Variants in SIGLEC10 observed in about 807,000 individuals in gnomAD.
The protein encoded by SIGLEC10 is sialic acid-binding Ig-like lectin 10.
In SIGLEC10, 45 loss-of-function variants were observed where a neutral mutation model predicts 68.3. The observed-to-expected ratio is 0.66, with a 90% CI of 0.52 to 0.84. SIGLEC10 has a LOEUF of 0.84. Among genes scored for constraint, SIGLEC10 ranks in the 40% least tolerant of loss-of-function variants. The probability of loss-of-function intolerance (pLI) is 0.00; values close to 1 mark genes in which losing one functional copy is unlikely to be tolerated. For missense variants in SIGLEC10, 789 were observed against 883.1 expected, an observed-to-expected ratio of 0.89 and a Z score of 1.35; for synonymous variants, 379 against 370.8, an observed-to-expected ratio of 1.02 and a Z score of -0.26.
At position 51,410,784 on chromosome 19, in the gene SIGLEC10, G is replaced by A. The variant is rs563870522; in HGVS notation, c.*315C>T. ...CTGCCTCAGCTTCCCAAGTAGGTAGGATTACAGGCGCCTGCCACCATGCCC... is the reference window on the plus strand; with the variant it reads ...CTGCCTCAGCTTCCCAAGTAGGTAGAATTACAGGCGCCTGCCACCATGCCC... On this transcript the variant is annotated 3_prime_UTR_variant, in exon 11 of 11. Transcript: ENST00000339313. 1 of 225,664 alleles carries A rather than the reference G, an allele frequency of 4.4e-6. No homozygotes were observed. Among genetic ancestry groups the A allele is most frequent in the South Asian group, 8.2e-5 (1 of 12,154 alleles). 14.0% of individuals were successfully genotyped at this position (225,664 alleles called of 1,614,324 possible).
At position 51,416,145 on chromosome 19, in the gene SIGLEC10, T is replaced by G; in HGVS notation, c.777A>C (p.Gly259=). ...TTTGGGCTTCCAGGTATGGGACATT[T>G]CCCTGGGGCTGGGGCTCCAGGGCTG... ...NTPALEPQPQ[G]NVPYLEAQKG... The change falls in exon 5 of 11, where the codon GGA becomes GGC. Residue 259 remains glycine (G), a synonymous_variant. Transcript: ENST00000339313. 6.2e-7 allele frequency: 1 copy of G among 1,608,534 alleles called. No individual in the cohort carries two copies. Among genetic ancestry groups the G allele is most frequent in the Non-Finnish European group, 8.5e-7 (1 of 1,177,698 alleles).
chr19:51,412,285 G>T (rs1460939812), intron 10 of SIGLEC10, among the ~76,000 whole-genome samples: 1 of 152,110 alleles, frequency 6.6e-6, no homozygotes, highest in African/African-American at 2.4e-5. Context: ...GGGTGTTGAT[G>T]CATGGCTTGT....
Position 51,414,682 on chromosome 19 carries a change from T to A in SIGLEC10, c.1615+142A>T, listed in dbSNP as rs1173062840. The A allele has an allele frequency of 9.1e-6, 13 of 1,434,248 alleles. No homozygotes were observed. The highest frequency in any genetic ancestry group is 1.3e-5 in the Non-Finnish European group (13 of 1,030,082). 88.8% of individuals were successfully genotyped at this position (1,434,248 alleles called of 1,614,324 possible). On this transcript the variant is annotated intron_variant, in intron 8 of 10. Transcript: ENST00000339313. The surrounding 1 kb of genome is among the most constrained non-coding windows in gnomAD (Gnocchi z 4.1). Reference sequence around the variant, plus strand: ...CACACCCCGGCCCAGGTGTTAGGACTTCCCATTGTGTTTTCCTGTCTACAT... The same window carrying A: ...CACACCCCGGCCCAGGTGTTAGGACATCCCATTGTGTTTTCCTGTCTACAT...
rs527722008 is a variant in SIGLEC10 at position 51,411,027 on chromosome 19, C to G, written c.*72G>C. 195 of 1,509,172 alleles carry G rather than the reference C, an allele frequency of 1.3e-4. No individual in the cohort carries two copies. In the African/African-American group the frequency reaches 1.5e-3, roughly 11 times the overall value. 93.5% of individuals were successfully genotyped at this position (1,509,172 alleles called of 1,614,324 possible). ...GAGAGGGAGAGAAGGAAACTTTGCA[C>G]TCTGTTATCTTCAACCTCTTACTCT... On this transcript the variant is annotated 3_prime_UTR_variant, in exon 11 of 11. Transcript: ENST00000339313.
chr19:51,411,249 T>A lies in SIGLEC10; in HGVS notation c.1944A>T (p.Glu648Asp). 1 of 1,614,008 alleles carries A rather than the reference T, an allele frequency of 6.2e-7. No individual in the cohort carries two copies. Among genetic ancestry groups the A allele is most frequent in the South Asian group, 1.1e-5 (1 of 91,074 alleles). The part of the protein sequence containing the change: ...KKQYQLPSFP[E>D]PKSSTQAPES... ...CTGGGGCTTGAGTGGATGATTTGGG[T>A]TCTGGGAAACTGGGCAACTGATACT... Residue 648 changes from glutamate to aspartate, a missense_variant, in exon 11 of 11, where the codon GAA (glutamate) becomes GAT (aspartate). Coordinates refer to ENST00000339313, the MANE Select transcript of SIGLEC10 (RefSeq NM_033130.5).
chr19:51,415,411 G>A lies in SIGLEC10; in HGVS notation c.1100C>T (p.Ser367Phe). The A allele has an allele frequency of 6.2e-7, 1 of 1,606,052 alleles. No homozygotes were observed. ...GCTTTGGCCCTCCAGTACTGGGAGA[G>A]ACGTGCCGTTCCCAAGGTTTTCCAG... ...TVLENLGNGTSLPVLEGQSLC... is the reference protein window; with the variant it reads ...TVLENLGNGTFLPVLEGQSLC... Residue 367 changes from serine to phenylalanine, a missense_variant, in exon 7 of 11, where the codon TCT (serine) becomes TTT (phenylalanine). Transcript: ENST00000339313.
intron 3 of SIGLEC10, 73 bp downstream of exon 3, chr19:51,416,593 G>T: frequency 6.2e-7 from 1 of 1,603,522 alleles, no homozygotes; most frequent in Non-Finnish European, 8.5e-7. Flanking sequence ...GCCGCTCACT[G>T]TCCCACTGGG....
Position 51,414,798 on chromosome 19 carries a change from C to A in SIGLEC10, c.1615+26G>T, listed in dbSNP as rs1988410739. 6.2e-7 allele frequency: 1 copy of A among 1,610,544 alleles called. No homozygotes were observed. The highest frequency in any genetic ancestry group is 1.1e-5 in the South Asian group (1 of 90,834). ...CCCCAGTCAGCTTCTCCTCCAAGAA[C>A]CTTGGCATCCAGGCGGCCCCCTAAC... On this transcript the variant is annotated intron_variant, in intron 8 of 10. Coordinates refer to ENST00000339313, the MANE Select transcript of SIGLEC10 (RefSeq NM_033130.5). This position sits in a 1 kb window ranked among gnomAD's most constrained non-coding sequence, Gnocchi z 4.1.
rs1255140411 is a variant in SIGLEC10, at chr19:51,414,058, G to A, written c.1710-235C>T. On this transcript the variant is annotated intron_variant, in intron 9 of 10. Coordinates refer to ENST00000339313, the MANE Select transcript of SIGLEC10 (RefSeq NM_033130.5). The surrounding 1 kb of genome is among the most constrained non-coding windows in gnomAD (Gnocchi z 4.1). Reference sequence around the variant, plus strand: ...GGGTTCCCTGCTACTAGTGAGCCAGGGCAGCTGTCTGAGCCTCTACAGCCC... The same window carrying A: ...GGGTTCCCTGCTACTAGTGAGCCAGAGCAGCTGTCTGAGCCTCTACAGCCC... 6.6e-6 allele frequency among the ~76,000 whole-genome samples: 1 copy of A among 152,196 alleles called. No individual in the cohort carries two copies. The highest frequency in any genetic ancestry group is 6.5e-5 in the Admixed American group (1 of 15,286).
rs1472402223 is a variant in SIGLEC10, at chr19:51,410,964, A to AAGAGAGAGAAAGAGAGAG, written c.*117_*134dup. On this transcript the variant is annotated 3_prime_UTR_variant, in exon 11 of 11. Coordinates refer to ENST00000339313, the MANE Select transcript of SIGLEC10 (RefSeq NM_033130.5). ...GTGCCCTGGCCAGATGTTTTTTTAA[A>AAGAGAGAGAAAGAGAGAG]AGAGAGAGAAAGAGAGAGAGAGAGA... is the stretch of plus-strand genomic sequence containing the variant. The AAGAGAGAGAAAGAGAGAG allele has an allele frequency of 2.8e-6, 3 of 1,072,744 alleles. No individual in the cohort carries two copies. Among genetic ancestry groups the AAGAGAGAGAAAGAGAGAG allele is most frequent in the African/African-American group, 1.7e-5 (1 of 60,174 alleles). The allele number at this position is 1,072,744 out of a possible 1,614,324, so 66.5% of individuals were successfully genotyped here. A position where few individuals can be genotyped will look rare whatever the true frequency, so the allele number is the denominator to read the frequency against.
intron 3 of SIGLEC10, 128 bp from the exon 4 acceptor site, chr19:51,416,485 C>T (rs1354879090): frequency 5.6e-6 from 9 of 1,596,788 alleles, no homozygotes; most frequent in African/African-American, 4.0e-5. Context: ...CCAGGGCTCA[C>T]GTGTGTGGAC....
In SIGLEC10 at chr19:51,415,607, C is replaced by T; in HGVS notation, c.1033G>A (p.Glu345Lys). ...ALDLSVQYPP[E>K]NLRVMVSQAN... The stretch of plus-strand genomic sequence containing the variant: ...TGGGAAACCATCACTCTCAGGTTCT[C>T]TGGAGGATCTGAAATGGAGACAGGG... The change falls in exon 6 of 11, where the codon GAG becomes AAG. Residue 345 changes from glutamate to lysine, a missense_variant. Coordinates refer to ENST00000339313, the MANE Select transcript of SIGLEC10 (RefSeq NM_033130.5). 1.9e-6 allele frequency: 3 copies of T among 1,613,920 alleles called. No individual in the cohort carries two copies. Among genetic ancestry groups the T allele is most frequent in the Non-Finnish European group, 8.5e-7 (1 of 1,179,842 alleles).
chr19:51,411,055 C>T lies in SIGLEC10; in HGVS notation c.*44G>A. The T allele has an allele frequency of 1.3e-6, 2 of 1,585,590 alleles. No homozygotes were observed. Among genetic ancestry groups the T allele is most frequent in the Non-Finnish European group, 1.7e-6 (2 of 1,164,712 alleles). ...TGTTATCTTCAACCTCTTACTCTAC[C>T]TTCCTCCCTAGCCGAAGTCCCAGTC... On this transcript the variant is annotated 3_prime_UTR_variant, in exon 11 of 11. Transcript: ENST00000339313.
rs773473863 is a variant in SIGLEC10, at chr19:51,410,876, C to T, written c.*223G>A. On this transcript the variant is annotated 3_prime_UTR_variant, in exon 11 of 11. Coordinates refer to ENST00000339313, the MANE Select transcript of SIGLEC10 (RefSeq NM_033130.5). The stretch of plus-strand genomic sequence containing the variant: ...GTTGGCCAGGCTGGTCTCGAACTCC[C>T]GACCTCAGGCGATCTGCCCACCTCA... The T allele has an allele frequency of 3.2e-5, 15 of 469,676 alleles. No homozygotes were observed. Among genetic ancestry groups the T allele is most frequent in the Non-Finnish European group, 4.5e-5 (12 of 268,970 alleles). 29.1% of individuals were successfully genotyped at this position (469,676 alleles called of 1,614,324 possible).
chr19:51,413,008 G>A (rs1988163106), intron 10 of SIGLEC10, among the ~76,000 whole-genome samples: 1 of 151,964 alleles, frequency 6.6e-6, no homozygotes, highest in Admixed American at 6.6e-5. Flanking sequence ...GTTGGTTTTG[G>A]ACAGGCTAAG....
rs1987901452 is a variant in SIGLEC10, at chr19:51,410,451, A to G, written c.*648T>C. On this transcript the variant is annotated 3_prime_UTR_variant, in exon 11 of 11. Coordinates refer to ENST00000339313, the MANE Select transcript of SIGLEC10 (RefSeq NM_033130.5). Reference sequence around the variant, plus strand: ...CTCAGCCTCATTTTATTCAGCTCCTATTCCAGATGGAGTTGCTCTGGTTTA... The same window carrying G: ...CTCAGCCTCATTTTATTCAGCTCCTGTTCCAGATGGAGTTGCTCTGGTTTA... 1 of 152,362 alleles carries G rather than the reference A, an allele frequency of 6.6e-6. No homozygotes were observed. The highest frequency in any genetic ancestry group is 1.5e-5 in the Non-Finnish European group (1 of 68,182). 9.4% of individuals were successfully genotyped at this position (152,362 alleles called of 1,614,324 possible). A position where few individuals can be genotyped will look rare whatever the true frequency, so the allele number is the denominator to read the frequency against.
chr19:51,412,369 G>A (rs1988098345), intron 10 of SIGLEC10, among the ~76,000 whole-genome samples: 7 of 151,966 alleles, frequency 4.6e-5, no homozygotes, highest in Admixed American at 4.6e-4. Flanking sequence ...TTGGTTGTGG[G>A]GTGACAGAGA....
chr19:51,416,923 A>G lies in SIGLEC10; in HGVS notation c.449T>C (p.Ile150Thr), dbSNP rs1599907772. The change falls in exon 3 of 11, where the codon ATC becomes ACC. Residue 150 changes from isoleucine (I) to threonine (T), a missense_variant. Transcript: ENST00000339313. ...TALTQKPDVY[I>T]PETLEPGQPV... is the part of the protein sequence containing the mutation. ...CTGCCCGGGCTCCAGGGTCTCGGGG[A>G]TGTAGACATCAGGCTTCTGAGTCAG... The G allele has an allele frequency of 1.2e-6, 2 of 1,613,478 alleles. No homozygotes were observed. Among genetic ancestry groups the G allele is most frequent in the Non-Finnish European group, 1.7e-6 (2 of 1,179,582 alleles).
In SIGLEC10 at chr19:51,416,695, G is replaced by A. The variant is rs9304711; in HGVS notation, c.677C>T (p.Ala226Val). The A allele has an allele frequency of 0.28, 447,486 of 1,613,752 alleles. 66,162 individuals carry two copies. The highest frequency in any genetic ancestry group is 0.45 in the African/African-American group (33,721 of 74,954). ...CACACGGAGTCGGACGGTCCTCTGT[G>A]CGCTCACACCCTTTCTGGAGAAGTC... ...HVDFSRKGVS[A>V]QRTVRLRVAY... Residue 226 changes from alanine (A) to valine (V), a missense_variant, in exon 3 of 11, where the codon GCA becomes GTA. Coordinates refer to ENST00000339313, the MANE Select transcript of SIGLEC10 (RefSeq NM_033130.5).
Sources: gnomAD v4.1 joint callset for allele counts (sites outside exome capture counted in the v4.1 genomes callset) on GRCh38, gnomAD v4.1.1 for gene constraint, Gnocchi (gnomAD v3.1) non-coding constraint, MANE v1.5 for transcripts, NCBI Gene and HGNC (gene_info 2026-07-23, HGNC 2026-07-21) for gene names.